ADAM22: variants seen among roughly 807,000 people sequenced by gnomAD.
ADAM22 encodes the protein ADAM metallopeptidase domain 22.
Under a neutral mutation model 144.6 loss-of-function variants are expected in ADAM22, and 65 were observed. That is an observed-to-expected ratio of 0.45 (90% CI 0.37 to 0.55). ADAM22 has a LOEUF of 0.55. Among genes scored for constraint, ADAM22 ranks in the 20% least tolerant of loss-of-function variants. The pLI is 0.00. For missense variants in ADAM22, 974 were observed against 1,184.9 expected, an observed-to-expected ratio of 0.82 and a Z score of 2.61; for synonymous variants, 391 against 412.6, an observed-to-expected ratio of 0.95 and a Z score of 0.63.
At chr7:88,176,735 T>C (rs1845769310) in intron 26 of ADAM22, among the ~76,000 whole-genome samples, 1 of 152,152 alleles carries the variant, frequency 6.6e-6, no homozygotes, top group Admixed American at 6.5e-5. Flanking sequence ...TCTTGTATAA[T>C]AGCTTGTCTT....
intron 3 of ADAM22, among the ~76,000 whole-genome samples, chr7:88,028,776 G>A (rs1386429630): frequency 6.6e-6 from 1 of 151,692 alleles, no homozygotes; most frequent in Non-Finnish European, 1.5e-5. Flanking sequence ...TGTCTCTTTT[G>A]TAGTGTTTGT....
intron 3 of ADAM22, among the ~76,000 whole-genome samples, chr7:87,997,134 A>G (rs1190657379): frequency 6.6e-6 from 1 of 152,226 alleles, no homozygotes; most frequent in African/African-American, 2.4e-5. Context: ...CGTTAAAAGC[A>G]TATCTAATAA....
At position 88,193,152 on chromosome 7, in the gene ADAM22, T is replaced by G. The variant is rs1188196538; in HGVS notation, c.2787T>G (p.Thr929=). Residue 929 remains threonine, a synonymous_variant, in exon 31 of 32, where the codon ACT becomes ACG. Coordinates refer to ENST00000413139, the MANE Select transcript of ADAM22 (RefSeq NM_001324418.2). The part of the protein sequence containing the change: ...LSPAKSPSSS[T]GSIASSRKYP... Reference sequence around the variant, plus strand: ...CTGCCAAGTCTCCTTCTTCATCAACTGGGTCTATTGCCTCCAGCAGAAAAT... The same window carrying G: ...CTGCCAAGTCTCCTTCTTCATCAACGGGGTCTATTGCCTCCAGCAGAAAAT... The G allele has an allele frequency of 6.2e-7, 1 of 1,614,018 alleles. No homozygotes were observed. The highest frequency in any genetic ancestry group is 1.3e-5 in the African/African-American group (1 of 74,936).
intron 22 of ADAM22, among the ~76,000 whole-genome samples, chr7:88,159,649 CA>C (rs1263942422): frequency 6.6e-6 from 1 of 152,032 alleles, no homozygotes; most frequent in African/African-American, 2.4e-5. Context: ...GAACTAAAGA[CA>C]AAAACCACAT....
chr7:88,189,918 T>G (rs1248454216), intron 30 of ADAM22, among the ~76,000 whole-genome samples: 1 of 152,046 alleles, frequency 6.6e-6, no homozygotes, highest in Non-Finnish European at 1.5e-5. Context: ...TACTCCAGCC[T>G]GGCGACAGAG....
At chr7:88,146,157 A>G (rs946271054) in intron 17 of ADAM22, among the ~76,000 whole-genome samples, 2 of 152,172 alleles carry the variant, frequency 1.3e-5, no homozygotes, top group African/African-American at 2.4e-5. Context: ...GTTTTCTCAT[A>G]CAAAATCTGG....
At chr7:88,087,208 A>AT (rs1818668822) in intron 4 of ADAM22, among the ~76,000 whole-genome samples, 1 of 152,202 alleles carries the variant, frequency 6.6e-6, no homozygotes, top group Non-Finnish European at 1.5e-5. Context: ...AATAAGAGGC[A>AT]TAAAAATTGA....
In ADAM22 at chr7:88,197,626, T is replaced by C. The variant is rs910296790; in HGVS notation, c.*1135T>C. Reference sequence around the variant, plus strand: ...AACCCTTTGTGGCCTGAAGTTTTGTTCCTTGGCAAAACTTTGTAGTCACCC... The same window carrying C: ...AACCCTTTGTGGCCTGAAGTTTTGTCCCTTGGCAAAACTTTGTAGTCACCC... On this transcript the variant is annotated 3_prime_UTR_variant, in exon 32 of 32. Transcript: ENST00000413139. The C allele has an allele frequency of 6.6e-6, 1 of 152,238 alleles. No individual in the cohort carries two copies. Among genetic ancestry groups the C allele is most frequent in the Non-Finnish European group, 1.5e-5 (1 of 68,038 alleles). 9.4% of individuals were successfully genotyped at this position (152,238 alleles called of 1,614,324 possible).
chr7:88,076,024 A>AT (rs904528846), intron 4 of ADAM22, among the ~76,000 whole-genome samples: 2 of 151,766 alleles, frequency 1.3e-5, no homozygotes, highest in African/African-American at 4.8e-5. Context: ...ATTTTATTTT[A>AT]TTTTTTTGAG....
intron 1 of ADAM22, 30 bp downstream of exon 1, chr7:87,934,580 C>T (rs1372387524): frequency 6.3e-7 from 1 of 1,587,878 alleles, no homozygotes; most frequent in Non-Finnish European, 8.5e-7. Flanking sequence ...TGCCTTTGGG[C>T]CATACCATTT....
chr7:87,999,997 A>AT (rs1792147851), intron 3 of ADAM22, among the ~76,000 whole-genome samples: 1 of 152,130 alleles, frequency 6.6e-6, no homozygotes, highest in Non-Finnish European at 1.5e-5. Flanking sequence ...TAAAAAAAAA[A>AT]AAAAAAATTA....
chr7:88,190,677 T>C (rs1849418406), intron 30 of ADAM22, among the ~76,000 whole-genome samples: 1 of 152,154 alleles, frequency 6.6e-6, no homozygotes. Context: ...AAGTAGTCAA[T>C]AAAGGTCAGA....
rs1385213981 is a variant in ADAM22, at chr7:88,200,526, T to C, written c.*4035T>C. Reference sequence around the variant, plus strand: ...AAATATCACCCTACCAGTTGGTAAGTTGGCATGAATTTTCCATGAAACACT... The same window carrying C: ...AAATATCACCCTACCAGTTGGTAAGCTGGCATGAATTTTCCATGAAACACT... On this transcript the variant is annotated 3_prime_UTR_variant, in exon 32 of 32. Transcript: ENST00000413139. 2.0e-5 allele frequency: 3 copies of C among 152,252 alleles called. No individual in the cohort carries two copies. The highest frequency in any genetic ancestry group is 4.4e-5 in the Non-Finnish European group (3 of 68,056). 9.4% of individuals were successfully genotyped at this position (152,252 alleles called of 1,614,324 possible).
rs144225499 is a variant in ADAM22 at position 88,188,709 on chromosome 7, G to A, written c.2750+2008G>A. The stretch of plus-strand genomic sequence containing the variant: ...AGGGAGAATTTCATCCACCCTCTGT[G>A]CAAGCCAAGCCTCACATAGGAGACC... On this transcript the variant is annotated intron_variant, in intron 30 of 31. Transcript: ENST00000413139. Among the ~76,000 whole-genome samples, 462 of 152,326 alleles carry A rather than the reference G, an allele frequency of 3.0e-3. 4 individuals are homozygous for A. The highest frequency in any genetic ancestry group is 0.011 in the African/African-American group (438 of 41,582).
chr7:87,973,152 G>C (rs1850911127), intron 2 of ADAM22, among the ~76,000 whole-genome samples: 1 of 152,110 alleles, frequency 6.6e-6, no homozygotes, highest in Non-Finnish European at 1.5e-5. Context: ...GAGTGAACAA[G>C]AAACCTACAG....
chr7:88,149,453 T>C (rs1837674279), intron 18 of ADAM22, among the ~76,000 whole-genome samples: 1 of 152,196 alleles, frequency 6.6e-6, no homozygotes, highest in Non-Finnish European at 1.5e-5. Context: ...CTCTTGACTC[T>C]TATCTATGAT....
intron 24 of ADAM22, 132 bp from the exon 25 acceptor site, chr7:88,168,005 T>A: frequency 1.4e-6 from 1 of 728,484 alleles, no homozygotes; most frequent in Admixed American, 3.0e-5. Flanking sequence ...GTTGATTTTT[T>A]CTTTCCTTTG....
intron 3 of ADAM22, among the ~76,000 whole-genome samples, chr7:88,030,852 C>T (rs1800076818): frequency 6.6e-6 from 1 of 152,164 alleles, no homozygotes; most frequent in African/African-American, 2.4e-5. Flanking sequence ...CACGGTGGCT[C>T]ATGCCTGTAA....
chr7:88,131,372 G>A lies in ADAM22; in HGVS notation c.929G>A (p.Arg310His), dbSNP rs774178977. ...AISENPLITL[R>H]EFMKYRRDFI... ...TCTGAAAATCCATTGATCACCCTAC[G>A]TGAGTTTATGAAATACAGGAGGGAT... The change falls in exon 11 of 32, where the codon CGT becomes CAT. Residue 310 changes from arginine to histidine, a missense_variant. By Grantham distance (29) the Arg-to-His change is conservative. Around this residue, in one of 2 missense-constraint regions of ADAM22, gnomAD observed 734 missense variants for 950.6 expected, o/e 0.77. Coordinates refer to ENST00000413139, the MANE Select transcript of ADAM22 (RefSeq NM_001324418.2). The A allele has an allele frequency of 5.0e-6, 8 of 1,613,686 alleles. No homozygotes were observed. The highest frequency in any genetic ancestry group is 1.3e-5 in the African/African-American group (1 of 74,862).
Sources: gnomAD v4.1 joint callset for allele counts (sites outside exome capture counted in the v4.1 genomes callset) on GRCh38, gnomAD v4.1.1 for gene constraint, gnomAD v4.1.1 regional missense constraint, MANE v1.5 for transcripts, NCBI Gene and HGNC (gene_info 2026-07-23, HGNC 2026-07-21) for gene names.